Variants in CNTLN observed in about 807,000 individuals in gnomAD.
CNTLN encodes centlein.
CNTLN carries 212 observed loss-of-function variants against 180.0 expected under a neutral mutation model. That is an observed-to-expected ratio of 1.18 (90% CI 1.05 to 1.32). CNTLN has a LOEUF of 1.32. CNTLN is among the 40% of genes most tolerant of loss of function. The pLI, the probability that CNTLN is intolerant of heterozygous loss-of-function variation, is 0.00. For synonymous variants in CNTLN, 722 were observed against 563.1 expected (o/e 1.28, Z -3.99); for missense variants, 2,095 against 1,610.9 (o/e 1.30, Z -5.14).
At chr9:17,260,357 C>G (rs185500125) in intron 5 of CNTLN, among the ~76,000 whole-genome samples, 109 of 151,274 alleles carry the variant, frequency 7.2e-4, no homozygotes, top group Middle Eastern at 3.4e-3. Flanking sequence ...TTTATAATTT[C>G]TGTTCTTTTA....
chr9:17,466,761 C>T lies in CNTLN; in HGVS notation c.3725C>T (p.Ala1242Val). The T allele has an allele frequency of 6.2e-7, 1 of 1,610,600 alleles. No homozygotes were observed. The highest frequency in any genetic ancestry group is 8.5e-7 in the Non-Finnish European group (1 of 1,177,784). The change falls in exon 23 of 26, where the codon GCA becomes GTA. Residue 1242 changes from alanine to valine, a missense_variant. Transcript: ENST00000380647. ...ATAAGTGAGACTGAATCTGCAATGG[C>T]AGAAATTGAAACAGCAGCATCTAAG... The part of the protein sequence containing the change: ...SRISETESAM[A>V]EIETAASKQL...
intron 5 of CNTLN, among the ~76,000 whole-genome samples, chr9:17,255,463 T>TC (rs60317064): frequency 0.22 from 32,945 of 151,622 alleles, 4,710 homozygotes; most frequent in African/African-American, 0.41. Flanking sequence ...TTTTTGTCTT[T>TC]TATTCTTTCA....
intron 18 of CNTLN, among the ~76,000 whole-genome samples, chr9:17,451,083 A>C (rs958755230): frequency 2.6e-5 from 4 of 152,140 alleles, no homozygotes; most frequent in African/African-American, 4.8e-5. Context: ...CCTGGACAGC[A>C]TGCAGAATTT....
chr9:17,387,343 A>C (rs948991195), intron 13 of CNTLN, among the ~76,000 whole-genome samples: 5 of 152,172 alleles, frequency 3.3e-5, no homozygotes, highest in Non-Finnish European at 7.4e-5. Flanking sequence ...TTTATTCCTT[A>C]AGAAATGTTA....
chr9:17,344,854 A>G (rs1028876547), intron 12 of CNTLN, among the ~76,000 whole-genome samples: 19 of 152,162 alleles, frequency 1.2e-4, no homozygotes, highest in Admixed American at 3.3e-4. Context: ...AAATAGTTCT[A>G]TCATCTCAAA....
intron 2 of CNTLN, among the ~76,000 whole-genome samples, chr9:17,195,449 A>T (rs1159347756): frequency 6.6e-6 from 1 of 152,108 alleles, no homozygotes; most frequent in Non-Finnish European, 1.5e-5. Context: ...ATACTTTCCC[A>T]TCTCAGAACG....
At chr9:17,194,204 A>C (rs957095523) in intron 2 of CNTLN, among the ~76,000 whole-genome samples, 1 of 152,242 alleles carries the variant, frequency 6.6e-6, no homozygotes, top group African/African-American at 2.4e-5. Context: ...CTTAGGGATT[A>C]ACATTCAGCT....
chr9:17,345,168 A>C (rs1404563373), intron 12 of CNTLN, among the ~76,000 whole-genome samples: 2 of 152,196 alleles, frequency 1.3e-5, no homozygotes, highest in Non-Finnish European at 2.9e-5. Flanking sequence ...TACAGCTGCT[A>C]TAGACAGGTT....
At chr9:17,305,001 TAAAC>T (rs1265326185) in intron 7 of CNTLN, among the ~76,000 whole-genome samples, 1 of 152,158 alleles carries the variant, frequency 6.6e-6, no homozygotes. Context: ...TTTCAATTCT[TAAAC>T]AAATTAGTAT....
chr9:17,294,061 C>A (rs1250494586), intron 6 of CNTLN, among the ~76,000 whole-genome samples: 3 of 152,108 alleles, frequency 2.0e-5, no homozygotes, highest in African/African-American at 7.2e-5. Flanking sequence ...TTCTGATGTT[C>A]AGATGTGTTT....
At chr9:17,352,233 G>A (rs962707356) in intron 12 of CNTLN, among the ~76,000 whole-genome samples, 4 of 151,572 alleles carry the variant, frequency 2.6e-5, no homozygotes, top group Non-Finnish European at 5.9e-5. Flanking sequence ...TCTCTTTGGG[G>A]TTAAATATTA....
intron 16 of CNTLN, among the ~76,000 whole-genome samples, chr9:17,412,704 T>C (rs557723884): frequency 6.6e-6 from 1 of 152,340 alleles, no homozygotes; most frequent in South Asian, 2.1e-4. Flanking sequence ...GTAGGTCAGA[T>C]GTATTAAATG....
intron 5 of CNTLN, among the ~76,000 whole-genome samples, chr9:17,266,152 C>T (rs1045964430): frequency 6.9e-6 from 1 of 144,768 alleles, no homozygotes; most frequent in Admixed American, 6.9e-5. Context: ...TTTGGATCTT[C>T]CTGCTTTCTC....
rs1818956997 is a variant in CNTLN, at chr9:17,309,250, C to T, written c.1339C>T (p.Gln447Ter). The change falls in exon 8 of 26, where the codon CAG becomes TAG. Residue 447 changes from glutamine to a stop codon, truncating the protein, a stop_gained and splice_region_variant. Coordinates refer to ENST00000380647, the MANE Select transcript of CNTLN (RefSeq NM_017738.4). LOFTEE classifies it high-confidence loss of function. ...PQESDPDYSA[Q>*]VPHRPSLSSL... The stretch of plus-strand genomic sequence containing the variant: ...AGAAAGTGATCCAGACTACTCAGCA[C>T]AGGTGAGAGACATTTTCTAAAACTG... 1.3e-6 allele frequency: 2 copies of T among 1,559,042 alleles called. No individual in the cohort carries two copies.
At chr9:17,490,468 A>G (rs1397536110) in intron 25 of CNTLN, among the ~76,000 whole-genome samples, 1 of 152,134 alleles carries the variant, frequency 6.6e-6, no homozygotes, top group Non-Finnish European at 1.5e-5. Flanking sequence ...TTTTAGTTAA[A>G]CAAAAGAAGT....
intron 15 of CNTLN, among the ~76,000 whole-genome samples, chr9:17,399,458 A>C (rs2133767915): frequency 6.6e-6 from 1 of 152,266 alleles, no homozygotes; most frequent in Admixed American, 6.5e-5. Flanking sequence ...GTCTCTCCCT[A>C]CTAGTGCATT....
intron 5 of CNTLN, among the ~76,000 whole-genome samples, chr9:17,250,707 CTATT>C (rs756582717): frequency 4.6e-4 from 70 of 152,006 alleles, no homozygotes; most frequent in Non-Finnish European, 8.2e-4. Flanking sequence ...AGTTTATACA[CTATT>C]TATGTAGTTT....
chr9:17,214,445 C>A (rs1823577542), intron 2 of CNTLN, among the ~76,000 whole-genome samples: 1 of 152,190 alleles, frequency 6.6e-6, no homozygotes. Flanking sequence ...GATGGGCTTC[C>A]CTTTGTGGGT....
downstream of CNTLN, among the ~76,000 whole-genome samples, chr9:17,508,638 G>A (rs1588130899): frequency 6.6e-6 from 1 of 152,154 alleles, no homozygotes; most frequent in East Asian, 1.9e-4. Context: ...TTGTCACTGA[G>A]AGTGTTATAT....
Sources: allele counts gnomAD v4.1 joint callset (sites outside exome capture counted in the v4.1 genomes callset), GRCh38; gene constraint gnomAD v4.1.1; transcripts MANE v1.5; gene names NCBI Gene and HGNC (gene_info 2026-07-23, HGNC 2026-07-21).